ATRNL1: variants seen among roughly 807,000 people sequenced by gnomAD.
The protein encoded by ATRNL1 is attractin like 1.
A neutral mutation model predicts 182.7 loss-of-function variants in ATRNL1; 95 were observed. The ratio of observed to expected loss-of-function variants is 0.52; its 90% CI spans 0.44 to 0.62. The LOEUF is 0.62. ATRNL1 is among the 20% of genes least tolerant of loss of function. The pLI is 0.00. For missense variants in ATRNL1, 1,471 were observed against 1,679.5 expected (o/e 0.88, Z 2.17); for synonymous variants, 576 against 568.3 (o/e 1.01, Z -0.19).
At chr10:115,156,266 G>A (rs1160519666) in intron 5 of ATRNL1, among the ~76,000 whole-genome samples, 2 of 152,104 alleles carry the variant, frequency 1.3e-5, no homozygotes, top group East Asian at 3.9e-4. Context: ...TGTATGGGGT[G>A]CTGGAGAAAG....
intron 28 of ATRNL1, among the ~76,000 whole-genome samples, chr10:115,935,773 G>C (rs1953538981): frequency 1.3e-5 from 2 of 152,170 alleles, no homozygotes; most frequent in Admixed American, 1.3e-4. Context: ...TCAATTATTA[G>C]TAGTATTTCC....
rs566298921 is a variant in ATRNL1 at position 115,125,744 on chromosome 10, C to T, written c.492-1849C>T. ...GCTTTCACTTCCAACCATTGGAGTC[C>T]CAGTTCAACGTGAAGGCCTTGTGTT... On this transcript the variant is annotated intron_variant, in intron 3 of 28. Transcript: ENST00000355044. Among the ~76,000 whole-genome samples the T allele has an allele frequency of 5.3e-5, 8 of 152,242 alleles. No individual in the cohort carries two copies. The East Asian group carries it at 1.5e-3, about 29-fold the overall frequency.
chr10:115,371,808 G>T (rs782738973), intron 19 of ATRNL1, among the ~76,000 whole-genome samples: 1 of 152,076 alleles, frequency 6.6e-6, no homozygotes, highest in Non-Finnish European at 1.5e-5. Context: ...GATTTGGTAG[G>T]GGCCAGGGGC....
chr10:115,676,499 A>G (rs782020237), intron 26 of ATRNL1, among the ~76,000 whole-genome samples: 11 of 151,976 alleles, frequency 7.2e-5, no homozygotes, highest in Non-Finnish European at 1.3e-4. Context: ...AAAATAGCAG[A>G]TTAGTTATAT....
intron 8 of ATRNL1, among the ~76,000 whole-genome samples, chr10:115,210,488 C>T (rs1206164335): frequency 6.6e-6 from 1 of 151,892 alleles, no homozygotes; most frequent in African/African-American, 2.4e-5. Context: ...CTCCTTTCTA[C>T]CCTGGCTCCT....
At chr10:115,657,052 G>T (rs2133894178) in intron 26 of ATRNL1, among the ~76,000 whole-genome samples, 1 of 152,210 alleles carries the variant, frequency 6.6e-6, no homozygotes, top group Non-Finnish European at 1.5e-5. Context: ...CTGCAGTAAA[G>T]TTGGTTTCAT....
intron 28 of ATRNL1, among the ~76,000 whole-genome samples, chr10:115,907,104 A>G (rs1264443718): frequency 7.7e-6 from 1 of 130,344 alleles, no homozygotes; most frequent in East Asian, 2.0e-4. Context: ...TAGAAAGTCC[A>G]AGTGACCTGG....
chr10:115,098,406 TGG>T (rs1554863688), intron 1 of ATRNL1, among the ~76,000 whole-genome samples: 1 of 151,284 alleles, frequency 6.6e-6, no homozygotes, highest in Non-Finnish European at 1.5e-5. Flanking sequence ...GGTCTTTGCT[TGG>T]GTGATTACTG....
intron 19 of ATRNL1, among the ~76,000 whole-genome samples, chr10:115,355,563 T>C (rs1856465657): frequency 1.3e-5 from 2 of 152,244 alleles, no homozygotes; most frequent in South Asian, 4.1e-4. Context: ...TATGTACATA[T>C]TTGTTTATCC....
intron 1 of ATRNL1, 95 bp downstream of exon 1, chr10:115,094,138 T>G (rs553316204): frequency 1.0e-5 from 12 of 1,191,972 alleles, no homozygotes; most frequent in African/African-American, 8.2e-5. Flanking sequence ...CCCCCGTCGC[T>G]GCCTCTGATC....
At chr10:115,199,825 A>G (rs1848493676) in intron 8 of ATRNL1, among the ~76,000 whole-genome samples, 1 of 152,142 alleles carries the variant, frequency 6.6e-6, no homozygotes, top group Non-Finnish European at 1.5e-5. Context: ...CAGGACTAAA[A>G]CATGAGAAAG....
At chr10:115,822,603 C>T (rs1165052124) in intron 27 of ATRNL1, among the ~76,000 whole-genome samples, 1 of 152,100 alleles carries the variant, frequency 6.6e-6, no homozygotes, top group Non-Finnish European at 1.5e-5. Context: ...GGAAATATCA[C>T]CACTGATCGC....
At chr10:115,722,960 T>C (rs1338303348) in intron 26 of ATRNL1, among the ~76,000 whole-genome samples, 1 of 152,190 alleles carries the variant, frequency 6.6e-6, no homozygotes, top group Admixed American at 6.5e-5. Context: ...TTAGAGTCAG[T>C]TTTATCATAA....
At chr10:115,406,705 G>T (rs566415768) in intron 20 of ATRNL1, among the ~76,000 whole-genome samples, 8 of 152,146 alleles carry the variant, frequency 5.3e-5, no homozygotes, top group South Asian at 4.2e-4. Flanking sequence ...AGTTTCTTGT[G>T]ATTTTTCTGC....
At chr10:115,297,485 A>T (rs1304083694) in intron 15 of ATRNL1, among the ~76,000 whole-genome samples, 1 of 151,978 alleles carries the variant, frequency 6.6e-6, no homozygotes, top group Non-Finnish European at 1.5e-5. Flanking sequence ...ACTAAAAAAA[A>T]TACAAAAAAA....
intron 15 of ATRNL1, among the ~76,000 whole-genome samples, chr10:115,286,609 G>A (rs962444587): frequency 7.9e-5 from 12 of 151,924 alleles, no homozygotes; most frequent in African/African-American, 2.9e-4. Context: ...GTAAACCACT[G>A]TATTACCTTA....
intron 21 of ATRNL1, among the ~76,000 whole-genome samples, chr10:115,434,030 T>C (rs1846287769): frequency 6.6e-6 from 1 of 152,146 alleles, no homozygotes; most frequent in Non-Finnish European, 1.5e-5. Context: ...TGTGGGGCTG[T>C]GTCTGCCTTG....
intron 28 of ATRNL1, among the ~76,000 whole-genome samples, chr10:115,858,539 G>A (rs1330958153): frequency 6.6e-6 from 1 of 152,156 alleles, no homozygotes; most frequent in Non-Finnish European, 1.5e-5. Flanking sequence ...GAGCCTGTCG[G>A]GGGAGAGAGG....
chr10:115,547,669 G>A (rs1276919814), intron 25 of ATRNL1, among the ~76,000 whole-genome samples: 2 of 152,032 alleles, frequency 1.3e-5, no homozygotes, highest in Non-Finnish European at 1.5e-5. Context: ...ACCTATATTA[G>A]GTTAGGAAGT....
Sources: allele counts gnomAD v4.1 joint callset (sites outside exome capture counted in the v4.1 genomes callset), GRCh38; gene constraint gnomAD v4.1.1; transcripts MANE v1.5; gene names NCBI Gene and HGNC (gene_info 2026-07-23, HGNC 2026-07-21).